The following RPS6KL1 variants were observed in gnomAD, a reference collection of about 807,000 sequenced individuals.
The protein encoded by RPS6KL1 is ribosomal protein S6 kinase like 1, also known as ribosomal protein S6 kinase-like 1.
In RPS6KL1, 41 loss-of-function variants were observed where a neutral mutation model predicts 57.0. The observed-to-expected ratio is 0.72, with a 90% CI of 0.56 to 0.93. The LOEUF (loss-of-function observed/expected upper bound fraction) is 0.93. RPS6KL1 is among the 40% of genes least tolerant of loss of function. The pLI, the probability that RPS6KL1 is intolerant of heterozygous loss-of-function variation, is 0.00. For missense variants in RPS6KL1, 697 were observed against 727.7 expected, an observed-to-expected ratio of 0.96 and a Z score of 0.49; for synonymous variants, 287 against 309.7, an observed-to-expected ratio of 0.93 and a Z score of 0.77.
intron 5 of RPS6KL1, among the ~76,000 whole-genome samples, chr14:74,912,465 C>T (rs1397163749): frequency 6.6e-6 from 1 of 152,162 alleles, no homozygotes; most frequent in Non-Finnish European, 1.5e-5. Context: ...AACCCCTCAC[C>T]CAAGGCCTTA....
rs1346527879 is a variant in RPS6KL1 at position 74,904,776 on chromosome 14, T to G, written c.*2238A>C. ...CCAAGATGCTCAAGGTCAATACACA[T>G]GAACAGGTGAGGGTTGATGACCTAG... On this transcript the variant is annotated 3_prime_UTR_variant, in exon 12 of 12. Coordinates refer to ENST00000557413, the MANE Select transcript of RPS6KL1 (RefSeq NM_031464.5). The G allele has an allele frequency of 7.2e-5, 11 of 152,194 alleles. No homozygotes were observed. Among genetic ancestry groups the G allele is most frequent in the Admixed American group, 7.2e-4 (11 of 15,274 alleles). The allele number at this position is 152,194 out of a possible 1,614,324, so 9.4% of individuals were successfully genotyped here.
Position 74,921,363 on chromosome 14 carries a change from G to C in RPS6KL1, c.179C>G (p.Ala60Gly), listed in dbSNP as rs778778238. ...GTCCTCACTAACATCGCGCTCCAGG[G>C]CCAGCCGGATCTGCGTGGCCGCATC... ...LVDAATQIRL[A>G]LERDVSEDYE... The change falls in exon 3 of 12, where the codon GCC becomes GGC. Residue 60 changes from alanine (A) to glycine (G), a missense_variant. Transcript: ENST00000557413. 5.6e-6 allele frequency: 9 copies of C among 1,614,260 alleles called. No homozygotes were observed. The highest frequency in any genetic ancestry group is 5.9e-6 in the Non-Finnish European group (7 of 1,180,054).
chr14:74,911,722 G>T, intron 6 of RPS6KL1, 72 bp downstream of exon 6: 1 of 1,393,468 alleles, frequency 7.2e-7, no homozygotes, highest in Non-Finnish European at 1.0e-6. Context: ...GCAGGTTCTG[G>T]GTAGGAGTTT....
chr14:74,909,399 G>T, intron 8 of RPS6KL1, 144 bp downstream of exon 8: 1 of 1,172,278 alleles, frequency 8.5e-7, no homozygotes, highest in Non-Finnish European at 1.2e-6. Context: ...TCGGCCAACA[G>T]ACTCCAGCCT....
chr14:74,918,683 G>T, intron 4 of RPS6KL1, 78 bp from the exon 5 acceptor site: 1 of 1,111,156 alleles, frequency 9.0e-7, no homozygotes, highest in Non-Finnish European at 1.3e-6. Context: ...CCAGGCATCA[G>T]GCAGGGGCTT....
At position 74,906,689 on chromosome 14, in the gene RPS6KL1, A is replaced by G; in HGVS notation, c.*325T>C. On this transcript the variant is annotated 3_prime_UTR_variant, in exon 12 of 12. Transcript: ENST00000557413. ...CACAGTAGGGTGCAGCAGGTGGTCAACAGCTCAGCGCCAGTGCCACAGAAG... is the reference window on the plus strand; with the variant it reads ...CACAGTAGGGTGCAGCAGGTGGTCAGCAGCTCAGCGCCAGTGCCACAGAAG... 5.6e-6 allele frequency: 3 copies of G among 538,110 alleles called. No individual in the cohort carries two copies. Among genetic ancestry groups the G allele is most frequent in the Non-Finnish European group, 1.1e-5 (3 of 268,022 alleles). The allele number at this position is 538,110 out of a possible 1,614,324, so 33.3% of individuals were successfully genotyped here.
At position 74,905,745 on chromosome 14, in the gene RPS6KL1, G is replaced by C. The variant is rs1884693277; in HGVS notation, c.*1269C>G. 6.6e-6 allele frequency: 1 copy of C among 152,324 alleles called. No homozygotes were observed. The highest frequency in any genetic ancestry group is 6.5e-5 in the Admixed American group (1 of 15,288). 9.4% of individuals were successfully genotyped at this position (152,324 alleles called of 1,614,324 possible). A position where few individuals can be genotyped will look rare whatever the true frequency, so the allele number is the denominator to read the frequency against. On this transcript the variant is annotated 3_prime_UTR_variant, in exon 12 of 12. Coordinates refer to ENST00000557413, the MANE Select transcript of RPS6KL1 (RefSeq NM_031464.5). The stretch of plus-strand genomic sequence containing the variant: ...GGCTGCGCTTTCACTTGTCTTCTCT[G>C]TCTCAGTCTCCTGAAGAGCCCGAGG...
chr14:74,907,149 G>A (rs552068654), intron 11 of RPS6KL1, 25 bp from the exon 12 acceptor site: 13 of 1,581,404 alleles, frequency 8.2e-6, no homozygotes, highest in African/African-American at 6.7e-5. Context: ...CCAGTCAGCT[G>A]GGCCACTCCA....
chr14:74,918,983 C>G (rs987334691), intron 4 of RPS6KL1, among the ~76,000 whole-genome samples: 1 of 152,212 alleles, frequency 6.6e-6, no homozygotes, highest in Non-Finnish European at 1.5e-5. Flanking sequence ...TGAGATCAGC[C>G]TGGCCAACAT....
chr14:74,921,469 G>C lies in RPS6KL1; in HGVS notation c.73C>G (p.Gln25Glu), dbSNP rs778191997. 1 of 1,614,148 alleles carries C rather than the reference G, an allele frequency of 6.2e-7. No homozygotes were observed. The highest frequency in any genetic ancestry group is 8.5e-7 in the Non-Finnish European group (1 of 1,180,016). Reference sequence around the variant, plus strand: ...ATCTGCTCCAGGTACACGTGAGCTTGGGACCGTGCTCGTGAGCAAGGCTCA... The same window carrying C: ...ATCTGCTCCAGGTACACGTGAGCTTCGGACCGTGCTCGTGAGCAAGGCTCA... ...EPEPCSRARS[Q>E]AHVYLEQIRN... The change falls in exon 3 of 12, where the codon CAA becomes GAA. Residue 25 changes from glutamine (Q) to glutamate (E), a missense_variant. By Grantham distance (29) the Gln-to-Glu change is conservative. Coordinates refer to ENST00000557413, the MANE Select transcript of RPS6KL1 (RefSeq NM_031464.5).
At position 74,910,149 on chromosome 14, in the gene RPS6KL1, C is replaced by A; in HGVS notation, c.665-1G>T. ...AGCAGGTGGGACCAGAGAGTGCCTC[C>A]TGGGCCATGCAGAGGGAGCGGTGAG... On this transcript the variant is annotated splice_acceptor_variant, in intron 7 of 11. Transcript: ENST00000557413. LOFTEE classifies it high-confidence loss of function. The A allele has an allele frequency of 6.6e-7, 1 of 1,522,628 alleles. No homozygotes were observed. Among genetic ancestry groups the A allele is most frequent in the East Asian group, 2.3e-5 (1 of 44,016 alleles). 94.3% of individuals were successfully genotyped at this position (1,522,628 alleles called of 1,614,324 possible).
chr14:74,908,211 G>A (rs987896102), intron 10 of RPS6KL1, among the ~76,000 whole-genome samples: 1 of 152,170 alleles, frequency 6.6e-6, no homozygotes, highest in South Asian at 2.1e-4. Context: ...CATCCATTTC[G>A]GCTATTTCCT....
At chr14:74,910,193 A>G (rs866314808) in intron 7 of RPS6KL1, 45 bp from the exon 8 acceptor site, 3 of 1,486,630 alleles carry the variant, frequency 2.0e-6, no homozygotes, top group Middle Eastern at 2.1e-4. Context: ...CAGGGAGAAA[A>G]AGAGTATGGA....
In RPS6KL1 at chr14:74,906,403, CGGGGGTGG is replaced by C. The variant is rs1555375161; in HGVS notation, c.*603_*610del. 6 of 210,556 alleles carry C rather than the reference CGGGGGTGG, an allele frequency of 2.8e-5. No homozygotes were observed. The highest frequency in any genetic ancestry group is 1.2e-4 in the East Asian group (1 of 8,322). The allele number at this position is 210,556 out of a possible 1,614,324, so 13.0% of individuals were successfully genotyped here. A position where few individuals can be genotyped will look rare whatever the true frequency, so the allele number is the denominator to read the frequency against. On this transcript the variant is annotated 3_prime_UTR_variant, in exon 12 of 12. Coordinates refer to ENST00000557413, the MANE Select transcript of RPS6KL1 (RefSeq NM_031464.5). ...CAAGATAGGGGGCATGGTCAGGAAT[CGGGGGTGG>C]GGGGGTGGGGGTGGGGGTCATCCTG...
intron 10 of RPS6KL1, among the ~76,000 whole-genome samples, chr14:74,907,789 G>GCT (rs1885173140): frequency 6.6e-6 from 1 of 152,184 alleles, no homozygotes; most frequent in South Asian, 2.1e-4. Context: ...CTCCAAGCTT[G>GCT]CTAGAAGCAA....
At chr14:74,922,813 GGA>G (rs1243263165) in intron 1 of RPS6KL1, among the ~76,000 whole-genome samples, 1 of 152,238 alleles carries the variant, frequency 6.6e-6, no homozygotes, top group Non-Finnish European at 1.5e-5. Context: ...GAGAGAAAGA[GGA>G]GAGAGCAGGA....
At chr14:74,917,873 G>A (rs139118895) in intron 5 of RPS6KL1, among the ~76,000 whole-genome samples, 223 of 152,276 alleles carry the variant, frequency 1.5e-3, no homozygotes, top group Middle Eastern at 6.8e-3. Context: ...AGCTGTGCTC[G>A]GTAGAGCGTC....
chr14:74,909,879 T>C lies in RPS6KL1; in HGVS notation c.934A>G (p.Thr312Ala). 2.5e-6 allele frequency: 4 copies of C among 1,613,746 alleles called. No homozygotes were observed. The highest frequency in any genetic ancestry group is 3.4e-6 in the Non-Finnish European group (4 of 1,179,824). The change falls in exon 8 of 12, where the codon ACC becomes GCC. Residue 312 changes from threonine (T) to alanine (A), a missense_variant. Physicochemically the swap from Thr to Ala is moderately conservative, Grantham distance 58. Transcript: ENST00000557413. ...AEGEPTARTS[T>A]SGSSDLPKAP... ...TTTGGAAGGTCCGAGGAGCCAGAGG[T>C]GCTGGTCCTGGCTGTGGGTTCACCT...
chr14:74,921,904 A>C (rs1887926430), intron 2 of RPS6KL1, 74 bp downstream of exon 2: 2 of 322,424 alleles, frequency 6.2e-6, no homozygotes, highest in South Asian at 1.0e-4. Context: ...CAGCATCCCA[A>C]GTAGCTGGGA....
Sources: gnomAD v4.1 joint callset for allele counts (sites outside exome capture counted in the v4.1 genomes callset) on GRCh38, gnomAD v4.1.1 for gene constraint, MANE v1.5 for transcripts, NCBI Gene and HGNC (gene_info 2026-07-23, HGNC 2026-07-21) for gene names.